HLCS: variants seen among roughly 807,000 people sequenced by gnomAD.
HLCS encodes the protein biotin--protein ligase.
A neutral mutation model predicts 75.0 loss-of-function variants in HLCS; 53 were observed. That is an observed-to-expected ratio of 0.71 (90% CI 0.57 to 0.89). HLCS has a LOEUF of 0.89. HLCS is among the 40% of genes least tolerant of loss of function. HLCS has a pLI of 0.00. For synonymous variants in HLCS, 431 were observed against 428.6 expected (o/e 1.01, Z -0.07); for missense variants, 966 against 1,074.0 (o/e 0.90, Z 1.41).
At chr21:36,858,077 T>C (rs1048328221) in intron 6 of HLCS, among the ~76,000 whole-genome samples, 4 of 152,154 alleles carry the variant, frequency 2.6e-5, no homozygotes, top group Non-Finnish European at 5.9e-5. Context: ...TGTGAGCCAC[T>C]GCGCCTGGCC....
chr21:36,827,146 T>C (rs1285795480), intron 6 of HLCS, among the ~76,000 whole-genome samples: 1 of 151,896 alleles, frequency 6.6e-6, no homozygotes, highest in African/African-American at 2.4e-5. Flanking sequence ...CCTTGAAGAA[T>C]CCATGGGGAG....
At chr21:36,908,963 G>C (rs1442795261) in intron 5 of HLCS, among the ~76,000 whole-genome samples, 1 of 152,192 alleles carries the variant, frequency 6.6e-6, no homozygotes, top group Non-Finnish European at 1.5e-5. Flanking sequence ...GGGAGGCTGA[G>C]GCGGGCGGAT....
At chr21:36,771,815 T>A (rs1323634186) in intron 6 of HLCS, among the ~76,000 whole-genome samples, 3 of 151,954 alleles carry the variant, frequency 2.0e-5, no homozygotes, top group Non-Finnish European at 4.4e-5. Context: ...CTGGCCAACA[T>A]GGTGAAACCC....
chr21:36,777,266 G>A (rs9981651), intron 6 of HLCS, among the ~76,000 whole-genome samples: 82,340 of 151,822 alleles, frequency 0.54, 22,600 homozygotes, highest in South Asian at 0.59. Context: ...TCCCCTCCCC[G>A]AACCCTTTGG....
In HLCS at chr21:36,751,653, A is replaced by T. The variant is rs2089370243; in HGVS notation, c.*2593T>A. On this transcript the variant is annotated 3_prime_UTR_variant, in exon 11 of 11. Transcript: ENST00000674895. ...TTTCCTTTGCACACAAATCCTTCCT[A>T]CTTCCACCACTCCCTAGCAGAGTTC... is the stretch of plus-strand genomic sequence containing the variant. 2 of 152,142 alleles carry T rather than the reference A, an allele frequency of 1.3e-5. No homozygotes were observed. The highest frequency in any genetic ancestry group is 4.8e-5 in the African/African-American group (2 of 41,390). The allele number at this position is 152,142 out of a possible 1,614,324, so 9.4% of individuals were successfully genotyped here. A position where few individuals can be genotyped will look rare whatever the true frequency, so the allele number is the denominator to read the frequency against.
At chr21:36,819,619 C>T (rs1160071178) in intron 6 of HLCS, among the ~76,000 whole-genome samples, 6 of 152,096 alleles carry the variant, frequency 3.9e-5, no homozygotes, top group Admixed American at 3.9e-4. Context: ...ATCTGTTTTA[C>T]ACACACACTA....
intron 6 of HLCS, among the ~76,000 whole-genome samples, chr21:36,818,176 G>A (rs540074833): frequency 2.6e-5 from 4 of 152,270 alleles, no homozygotes; most frequent in South Asian, 2.1e-4. Flanking sequence ...GAAAAAAGTC[G>A]GTGAGGGGGG....
intron 4 of HLCS, among the ~76,000 whole-genome samples, chr21:36,932,918 G>A (rs2066710849): frequency 6.6e-6 from 1 of 152,134 alleles, no homozygotes; most frequent in South Asian, 2.1e-4. Context: ...AGGAGTTTGA[G>A]ACCAGCCTGG....
intron 6 of HLCS, among the ~76,000 whole-genome samples, chr21:36,777,843 T>A (rs750066367): frequency 6.6e-5 from 10 of 152,208 alleles, no homozygotes; most frequent in Non-Finnish European, 1.3e-4. Flanking sequence ...GTGCTGGGTT[T>A]TCCCACTAAA....
At chr21:36,973,222 C>T (rs1413045846) in intron 1 of HLCS, among the ~76,000 whole-genome samples, 2 of 133,252 alleles carry the variant, frequency 1.5e-5, no homozygotes, top group East Asian at 2.3e-4. Context: ...AGAGAAAGAC[C>T]CTGTCTTTTT....
At chr21:36,927,369 G>A (rs1395797061) in intron 5 of HLCS, among the ~76,000 whole-genome samples, 2 of 152,192 alleles carry the variant, frequency 1.3e-5, no homozygotes, top group East Asian at 3.9e-4. Flanking sequence ...AAATGCCAAG[G>A]GCTGACCGTC....
chr21:36,935,452 C>A (rs2066835805), intron 4 of HLCS, among the ~76,000 whole-genome samples: 1 of 152,026 alleles, frequency 6.6e-6, no homozygotes, highest in African/African-American at 2.4e-5. Flanking sequence ...AACTTAGCTT[C>A]CAGGAGAACT....
chr21:36,785,982 G>A (rs2060674382), intron 6 of HLCS, among the ~76,000 whole-genome samples: 1 of 152,124 alleles, frequency 6.6e-6, no homozygotes. Context: ...TCTGTCTGTG[G>A]CCCTGAGAGC....
chr21:36,800,710 T>C (rs1338103092), intron 6 of HLCS, among the ~76,000 whole-genome samples: 3 of 152,122 alleles, frequency 2.0e-5, no homozygotes, highest in African/African-American at 7.2e-5. Flanking sequence ...CTACGCGATA[T>C]TCTCTCCCAT....
rs763040169 is a variant in HLCS at position 36,750,496 on chromosome 21, T to A, written c.*3750A>T. Among the ~76,000 whole-genome samples the A allele has an allele frequency of 3.2e-4, 48 of 152,162 alleles. No homozygotes were observed. The highest frequency in any genetic ancestry group is 5.9e-4 in the Non-Finnish European group (40 of 68,038). On this transcript the variant is annotated 3_prime_UTR_variant, in exon 11 of 11. Transcript: ENST00000674895. ...GCCTCCCTTGCCCCCACTCCTTTTA[T>A]CCTTTTAAAAGTCCTATCAGCCCTG...
chr21:36,934,332 T>C (rs2066781477), intron 4 of HLCS, among the ~76,000 whole-genome samples: 1 of 152,192 alleles, frequency 6.6e-6, no homozygotes, highest in Admixed American at 6.5e-5. Flanking sequence ...CAGCCGAAAA[T>C]GCACAAGACT....
intron 2 of HLCS, among the ~76,000 whole-genome samples, chr21:36,959,566 G>A (rs2146652389): frequency 6.6e-6 from 1 of 152,378 alleles, no homozygotes; most frequent in African/African-American, 2.4e-5. Context: ...AGTTCCAGGT[G>A]AAGCCTGTGG....
At position 36,752,758 on chromosome 21, in the gene HLCS, T is replaced by C; in HGVS notation, c.*1488A>G. 6.6e-6 allele frequency: 1 copy of C among 152,294 alleles called. No individual in the cohort carries two copies. The highest frequency in any genetic ancestry group is 1.9e-4 in the East Asian group (1 of 5,196). The allele number at this position is 152,294 out of a possible 1,614,324, so 9.4% of individuals were successfully genotyped here. A position where few individuals can be genotyped will look rare whatever the true frequency, so the allele number is the denominator to read the frequency against. On this transcript the variant is annotated 3_prime_UTR_variant, in exon 11 of 11. Transcript: ENST00000674895. ...CCAAAAAATATATATTGGGTATTTTTTCATAGGGCTGTCCTGTGCCTGGCT... is the reference window on the plus strand; with the variant it reads ...CCAAAAAATATATATTGGGTATTTTCTCATAGGGCTGTCCTGTGCCTGGCT...
rs911547503 is a variant in HLCS at position 36,966,651 on chromosome 21, G to C, written c.-13C>G. 8 of 979,116 alleles carry C rather than the reference G, an allele frequency of 8.2e-6. No individual in the cohort carries two copies. The highest frequency in any genetic ancestry group is 5.3e-5 in the African/African-American group (3 of 56,792). The allele number at this position is 979,116 out of a possible 1,614,324, so 60.7% of individuals were successfully genotyped here. Reference sequence around the variant, plus strand: ...GCGTGATGAGCATGGCCGCGCCGCCGGCAGGGCGAGCCCGCCTTGCCCGCC... The same window carrying C: ...GCGTGATGAGCATGGCCGCGCCGCCCGCAGGGCGAGCCCGCCTTGCCCGCC... On this transcript the variant is annotated 5_prime_UTR_variant, in exon 1 of 11. Coordinates refer to ENST00000674895, the MANE Select transcript of HLCS (RefSeq NM_001352514.2).
Sources: gnomAD v4.1 joint callset for allele counts (sites outside exome capture counted in the v4.1 genomes callset) on GRCh38, gnomAD v4.1.1 for gene constraint, MANE v1.5 for transcripts, NCBI Gene and HGNC (gene_info 2026-07-23, HGNC 2026-07-21) for gene names.